The following CADPS2 variants were observed in gnomAD, a reference collection of about 807,000 sequenced individuals.
The protein encoded by CADPS2 is calcium-dependent secretion activator 2.
In CADPS2, 93 loss-of-function variants were observed where a neutral mutation model predicts 172.5. The ratio of observed to expected loss-of-function variants is 0.54; its 90% CI spans 0.46 to 0.64. The LOEUF (loss-of-function observed/expected upper bound fraction) is 0.64. Among genes scored for constraint, CADPS2 ranks in the 30% least tolerant of loss-of-function variants. The probability of loss-of-function intolerance (pLI) is 0.00; values close to 1 mark genes in which losing one functional copy is unlikely to be tolerated. For synonymous variants in CADPS2, 546 were observed against 555.2 expected, an observed-to-expected ratio of 0.98 and a Z score of 0.23; for missense variants, 1,420 against 1,565.9, an observed-to-expected ratio of 0.91 and a Z score of 1.57.
chr7:122,404,279 T>C (rs2046345841), intron 20 of CADPS2, among the ~76,000 whole-genome samples: 1 of 152,138 alleles, frequency 6.6e-6, no homozygotes, highest in African/African-American at 2.4e-5. Flanking sequence ...TTGCTGAGAA[T>C]GATGGTTTCC....
chr7:122,594,856 T>C (rs1162569944), intron 6 of CADPS2, among the ~76,000 whole-genome samples: 1 of 151,872 alleles, frequency 6.6e-6, no homozygotes, highest in East Asian at 1.9e-4. Flanking sequence ...CAGTGCTTTA[T>C]AAGATGAAAA....
chr7:122,774,525 T>C (rs1011923441), intron 1 of CADPS2, among the ~76,000 whole-genome samples: 3 of 152,132 alleles, frequency 2.0e-5, no homozygotes, highest in African/African-American at 7.2e-5. Flanking sequence ...GGGATCAGTT[T>C]GTTTAATAAA....
chr7:122,800,525 A>T (rs1797380840), intron 1 of CADPS2, among the ~76,000 whole-genome samples: 1 of 152,192 alleles, frequency 6.6e-6, no homozygotes, highest in South Asian at 2.1e-4. Context: ...TAGTAGATGT[A>T]GGTTGGGGGC....
chr7:122,571,893 T>C (rs2067310511), intron 7 of CADPS2, among the ~76,000 whole-genome samples: 1 of 152,010 alleles, frequency 6.6e-6, no homozygotes, highest in Non-Finnish European at 1.5e-5. Flanking sequence ...AGATGAGGAG[T>C]AGATTAAAGA....
chr7:122,672,565 T>A (rs1390213714), intron 2 of CADPS2, among the ~76,000 whole-genome samples: 9 of 150,260 alleles, frequency 6.0e-5, no homozygotes, highest in Non-Finnish European at 1.2e-4. Context: ...AGGAGATAAG[T>A]AACTGGCTTG....
intron 15 of CADPS2, among the ~76,000 whole-genome samples, chr7:122,448,345 T>C (rs1000982378): frequency 6.6e-6 from 1 of 152,142 alleles, no homozygotes; most frequent in Non-Finnish European, 1.5e-5. Context: ...AAACCTCCCC[T>C]ACCATCCAAT....
At chr7:122,692,128 C>A (rs1184288062) in intron 2 of CADPS2, among the ~76,000 whole-genome samples, 2 of 152,150 alleles carry the variant, frequency 1.3e-5, no homozygotes, top group East Asian at 3.9e-4. Flanking sequence ...AACTGGAATA[C>A]TCGGGCAGGA....
At chr7:122,718,724 C>T (rs1303965758) in intron 2 of CADPS2, among the ~76,000 whole-genome samples, 1 of 152,064 alleles carries the variant, frequency 6.6e-6, no homozygotes, top group East Asian at 1.9e-4. Context: ...AAGAACCAAA[C>T]GCTGTGGTCA....
At chr7:122,567,631 G>A (rs1443109078) in intron 7 of CADPS2, among the ~76,000 whole-genome samples, 1 of 152,076 alleles carries the variant, frequency 6.6e-6, no homozygotes, top group Admixed American at 6.6e-5. Context: ...ATGTAGTGTG[G>A]GTTTGTAACA....
At chr7:122,715,373 T>C (rs932112437) in intron 2 of CADPS2, among the ~76,000 whole-genome samples, 9 of 152,038 alleles carry the variant, frequency 5.9e-5, no homozygotes, top group Admixed American at 6.6e-5. Flanking sequence ...GGTTTCTCCT[T>C]CCAGAACGCA....
intron 9 of CADPS2, among the ~76,000 whole-genome samples, chr7:122,493,424 G>A (rs1424048380): frequency 6.6e-6 from 1 of 152,148 alleles, no homozygotes; most frequent in Non-Finnish European, 1.5e-5. Flanking sequence ...CAAAGTAAAA[G>A]GCGCAGGTCA....
intron 1 of CADPS2, among the ~76,000 whole-genome samples, chr7:122,752,824 AAAG>A (rs1342239319): frequency 6.6e-6 from 1 of 152,190 alleles, no homozygotes; most frequent in African/African-American, 2.4e-5. Flanking sequence ...TGCTCCCAAA[AAAG>A]AATAGGACGC....
intron 1 of CADPS2, among the ~76,000 whole-genome samples, chr7:122,841,359 C>T (rs1174235208): frequency 4.0e-5 from 6 of 151,612 alleles, no homozygotes; most frequent in Non-Finnish European, 7.4e-5. Context: ...AAGTAGGAGC[C>T]CCAGAAAAAA....
intron 2 of CADPS2, among the ~76,000 whole-genome samples, chr7:122,731,193 G>A (rs1294016281): frequency 1.3e-5 from 2 of 151,242 alleles, no homozygotes. Context: ...AAAACAGTAA[G>A]AAAACTATAC....
At chr7:122,527,385 G>C (rs1177928549) in intron 8 of CADPS2, among the ~76,000 whole-genome samples, 1 of 146,280 alleles carries the variant, frequency 6.8e-6, no homozygotes, top group Non-Finnish European at 1.5e-5. Flanking sequence ...ATCTCAAAAT[G>C]CTACCAGATT....
chr7:122,599,294 G>A (rs561964894), intron 6 of CADPS2, among the ~76,000 whole-genome samples: 106 of 152,090 alleles, frequency 7.0e-4, no homozygotes, highest in African/African-American at 2.2e-3. Flanking sequence ...GAGGTACAGA[G>A]GTAAGTGGAA....
chr7:122,535,256 G>T (rs1479067835), intron 8 of CADPS2, among the ~76,000 whole-genome samples: 1 of 152,020 alleles, frequency 6.6e-6, no homozygotes, highest in African/African-American at 2.4e-5. Context: ...TCAAATCATG[G>T]TCACTTATTA....
At chr7:122,417,737 C>G (rs546480312) in intron 17 of CADPS2, among the ~76,000 whole-genome samples, 1 of 152,220 alleles carries the variant, frequency 6.6e-6, no homozygotes, top group African/African-American at 2.4e-5. Context: ...ATTGGTGATG[C>G]AGGAAATGTG....
chr7:122,569,248 G>A (rs2066873340), intron 7 of CADPS2, among the ~76,000 whole-genome samples: 1 of 152,034 alleles, frequency 6.6e-6, no homozygotes, highest in Non-Finnish European at 1.5e-5. Flanking sequence ...CAGACAAACA[G>A]AGAGCCAAAT....
Sources: allele counts gnomAD v4.1 joint callset (sites outside exome capture counted in the v4.1 genomes callset), GRCh38; gene constraint gnomAD v4.1.1; transcripts MANE v1.5; gene names NCBI Gene and HGNC (gene_info 2026-07-23, HGNC 2026-07-21).